Variants in MYO5A observed in about 807,000 individuals in gnomAD.
The protein encoded by MYO5A is myosin VA.
Under a neutral mutation model 249.7 loss-of-function variants are expected in MYO5A, and 98 were observed. That is an observed-to-expected ratio of 0.39 (90% CI 0.33 to 0.46). The LOEUF (loss-of-function observed/expected upper bound fraction) is 0.46. MYO5A is among the 20% of genes least tolerant of loss of function. The probability of loss-of-function intolerance (pLI) is 0.98; values close to 1 mark genes in which losing one functional copy is unlikely to be tolerated. For missense variants in MYO5A, 1,696 were observed against 2,308.8 expected (o/e 0.73, Z 5.44); for synonymous variants, 778 against 810.6 (o/e 0.96, Z 0.68).
intron 1 of MYO5A, among the ~76,000 whole-genome samples, chr15:52,459,088 C>T (rs1231212718): frequency 6.8e-6 from 1 of 147,648 alleles, no homozygotes; most frequent in Non-Finnish European, 1.5e-5. Context: ...CAACTTCCGC[C>T]TCCCAGGATC....
At chr15:52,321,292 G>C (rs2038298153) in intron 38 of MYO5A, 67 bp downstream of exon 38, 1 of 1,594,764 alleles carries the variant, frequency 6.3e-7, no homozygotes, top group Non-Finnish European at 8.6e-7. Flanking sequence ...ATGTGCCACT[G>C]GTGGCTACTT....
At chr15:52,499,854 T>C (rs2077117520) in intron 1 of MYO5A, among the ~76,000 whole-genome samples, 1 of 152,020 alleles carries the variant, frequency 6.6e-6, no homozygotes, top group Admixed American at 6.6e-5. Context: ...TTCCCAGAAG[T>C]GAGATTGCTG....
intron 1 of MYO5A, 118 bp from the exon 2 acceptor site, chr15:52,433,403 A>G (rs970720623): frequency 9.2e-6 from 4 of 436,064 alleles, no homozygotes; most frequent in African/African-American, 8.6e-5. Flanking sequence ...CTTGGCCAAC[A>G]TGAAATTCAC....
At chr15:52,489,189 A>G (rs1470524345) in intron 1 of MYO5A, among the ~76,000 whole-genome samples, 1 of 152,252 alleles carries the variant, frequency 6.6e-6, no homozygotes, top group Non-Finnish European at 1.5e-5. Flanking sequence ...GGAAAACTTC[A>G]TGATACTGAA....
At chr15:52,512,893 C>T (rs776937856) in intron 1 of MYO5A, among the ~76,000 whole-genome samples, 2 of 151,640 alleles carry the variant, frequency 1.3e-5, no homozygotes, top group Non-Finnish European at 2.9e-5. Flanking sequence ...TTTGGGAGGC[C>T]GAGGTGGGTG....
intron 19 of MYO5A, 38 bp from the exon 20 acceptor site, chr15:52,375,498 G>GA (rs2041364058): frequency 3.1e-6 from 5 of 1,609,106 alleles, no homozygotes; most frequent in Non-Finnish European, 3.4e-6. Context: ...TCAGTAATCA[G>GA]AAAAAAATGC....
At position 52,343,715 on chromosome 15, in the gene MYO5A, A is replaced by T. The variant is rs181605775; in HGVS notation, c.3960-518T>A. Among the ~76,000 whole-genome samples, 3 of 152,330 alleles carry T rather than the reference A, an allele frequency of 2.0e-5. No homozygotes were observed. In the East Asian group the frequency reaches 5.8e-4, roughly 29 times the overall value. On this transcript the variant is annotated intron_variant, in intron 30 of 41. Transcript: ENST00000399233. ...TAAAAATTCTTATAGCAGTAACATAAATCAGAACATGTCCAAGGTTCTCAG... is the reference window on the plus strand; with the variant it reads ...TAAAAATTCTTATAGCAGTAACATATATCAGAACATGTCCAAGGTTCTCAG...
Position 52,379,872 on chromosome 15 carries a change from T to C in MYO5A, c.2049A>G (p.Ala683=). The C allele has an allele frequency of 1.9e-6, 3 of 1,614,136 alleles. No homozygotes were observed. Among genetic ancestry groups the C allele is most frequent in the South Asian group, 1.1e-5 (1 of 91,080 alleles). ...DEKRAVQQLR[A]CGVLETIRIS... ...TTCGGATGGTTTCCAGGACACCACA[T>C]GCTCTCAGCTGCTGCACTGCCCTCT... Residue 683 remains alanine, a synonymous_variant, in exon 17 of 42, where the codon GCA becomes GCG. Coordinates refer to ENST00000399233, the MANE Select transcript of MYO5A (RefSeq NM_001382347.1).
intron 9 of MYO5A, among the ~76,000 whole-genome samples, chr15:52,402,356 T>G (rs1309843506): frequency 6.6e-6 from 1 of 152,150 alleles, no homozygotes; most frequent in East Asian, 1.9e-4. Flanking sequence ...GTGGGCAAAT[T>G]GATTACTAGC....
intron 1 of MYO5A, among the ~76,000 whole-genome samples, chr15:52,474,641 G>A (rs2076551309): frequency 6.6e-6 from 1 of 152,144 alleles, no homozygotes; most frequent in African/African-American, 2.4e-5. Context: ...CATCTATTGA[G>A]ATAATCATGT....
chr15:52,407,076 G>A (rs1486181716), intron 8 of MYO5A, among the ~76,000 whole-genome samples: 1 of 152,130 alleles, frequency 6.6e-6, no homozygotes, highest in Non-Finnish European at 1.5e-5. Flanking sequence ...AATTTACAAA[G>A]TTGCACAACC....
chr15:52,455,502 A>G (rs951000261), intron 1 of MYO5A, among the ~76,000 whole-genome samples: 7 of 152,124 alleles, frequency 4.6e-5, no homozygotes, highest in Non-Finnish European at 8.8e-5. Flanking sequence ...AAAGGAGACA[A>G]CAAAATAAGA....
intron 1 of MYO5A, among the ~76,000 whole-genome samples, chr15:52,460,325 A>T (rs2076220635): frequency 6.6e-6 from 1 of 152,186 alleles, no homozygotes; most frequent in Non-Finnish European, 1.5e-5. Context: ...TAGCGATCCG[A>T]GATCACGCCA....
intron 3 of MYO5A, 74 bp downstream of exon 3, chr15:52,428,324 T>C (rs1412417795): frequency 1.6e-5 from 23 of 1,440,514 alleles, no homozygotes; most frequent in Non-Finnish European, 2.1e-5. Flanking sequence ...GCTTTCCCCA[T>C]GTACAATATT....
chr15:52,405,223 A>T, intron 9 of MYO5A, 64 bp downstream of exon 9: 1 of 1,220,204 alleles, frequency 8.2e-7, no homozygotes, highest in Non-Finnish European at 1.2e-6. Flanking sequence ...TTGCTTCTTT[A>T]AACAATCTAC....
chr15:52,496,839 G>C (rs138804969), intron 1 of MYO5A, among the ~76,000 whole-genome samples: 111 of 152,332 alleles, frequency 7.3e-4, no homozygotes, highest in Non-Finnish European at 1.4e-3. Context: ...TGTGAAACTG[G>C]AATGCCCTTC....
chr15:52,455,003 T>TAA (rs368172533), intron 1 of MYO5A, among the ~76,000 whole-genome samples: 2 of 146,226 alleles, frequency 1.4e-5, no homozygotes, highest in African/African-American at 5.0e-5. Context: ...AAATTGAAAC[T>TAA]AAAAAAAAAA....
Position 52,317,189 on chromosome 15 carries a change from A to G in MYO5A, c.5268T>C (p.Arg1756=). ...YNVSQLEEWL[R]DKNLMNSGAK... is the part of the protein sequence containing the mutation. The stretch of plus-strand genomic sequence containing the variant: ...CCCCACTATTCATCAGATTCTTGTC[A>G]CGCAGCCATTCTTCCAGTTGACTGA... The change falls in exon 40 of 42, where the codon CGT becomes CGC. Residue 1756 remains arginine (R), a synonymous_variant. Coordinates refer to ENST00000399233, the MANE Select transcript of MYO5A (RefSeq NM_001382347.1). 6.2e-7 allele frequency: 1 copy of G among 1,614,094 alleles called. No homozygotes were observed.
chr15:52,502,220 T>A (rs1314946902), intron 1 of MYO5A, among the ~76,000 whole-genome samples: 2 of 151,894 alleles, frequency 1.3e-5, no homozygotes, highest in African/African-American at 4.8e-5. Flanking sequence ...GAGTCAGAGG[T>A]TACAGTGAGC....
Sources: gnomAD v4.1 joint callset for allele counts (sites outside exome capture counted in the v4.1 genomes callset) on GRCh38, gnomAD v4.1.1 for gene constraint, MANE v1.5 for transcripts, NCBI Gene and HGNC (gene_info 2026-07-23, HGNC 2026-07-21) for gene names.